GABRG3: variants seen among roughly 807,000 people sequenced by gnomAD.
GABRG3 encodes the protein gamma-aminobutyric acid type A receptor subunit gamma3.
A neutral mutation model predicts 48.8 loss-of-function variants in GABRG3; 25 were observed. The observed-to-expected ratio is 0.51, with a 90% CI of 0.37 to 0.72. The LOEUF is 0.72. GABRG3 is among the 30% of genes least tolerant of loss of function. The pLI is 0.00. For missense variants in GABRG3, 394 were observed against 577.9 expected (o/e 0.68, Z 3.26); for synonymous variants, 227 against 217.6 (o/e 1.04, Z -0.38).
intron 5 of GABRG3, among the ~76,000 whole-genome samples, chr15:27,349,855 C>T (rs1437286939): frequency 2.0e-5 from 3 of 151,938 alleles, no homozygotes; most frequent in Non-Finnish European, 2.9e-5. Flanking sequence ...CGGGACATGT[C>T]CTTTCTGGCT....
chr15:27,043,183 G>A (rs1213243190), intron 3 of GABRG3, among the ~76,000 whole-genome samples: 1 of 152,122 alleles, frequency 6.6e-6, no homozygotes, highest in Non-Finnish European at 1.5e-5. Flanking sequence ...CAGAATTGTT[G>A]ATTAGATGGA....
chr15:27,423,337 A>G (rs911003593), intron 5 of GABRG3, among the ~76,000 whole-genome samples: 2 of 151,720 alleles, frequency 1.3e-5, no homozygotes, highest in Non-Finnish European at 2.9e-5. Flanking sequence ...AAAGACACAC[A>G]AATACAGAGA....
At chr15:27,142,780 GTTTT>G (rs11366858) in intron 3 of GABRG3, among the ~76,000 whole-genome samples, 2 of 147,370 alleles carry the variant, frequency 1.4e-5, no homozygotes. Context: ...TGTTTGCTTG[GTTTT>G]TTTTTTTTGA....
At chr15:27,478,060 AAAG>A (rs202005368) in intron 5 of GABRG3, among the ~76,000 whole-genome samples, 11,583 of 148,744 alleles carry the variant, frequency 0.078, 704 homozygotes, top group African/African-American at 0.19. Context: ...AAAAAAAAAA[AAAG>A]AAAGAAAGAA....
intron 3 of GABRG3, among the ~76,000 whole-genome samples, chr15:27,138,075 A>G (rs1432587177): frequency 1.3e-5 from 2 of 152,224 alleles, no homozygotes; most frequent in African/African-American, 2.4e-5. Flanking sequence ...TTAAAGCATA[A>G]CAACAACAAG....
chr15:27,126,033 T>G (rs1262402366), intron 3 of GABRG3, among the ~76,000 whole-genome samples: 1 of 152,214 alleles, frequency 6.6e-6, no homozygotes, highest in African/African-American at 2.4e-5. Context: ...ACACAGTGAT[T>G]GCAGATCACA....
At chr15:27,436,174 G>C (rs1358370862) in intron 5 of GABRG3, among the ~76,000 whole-genome samples, 1 of 152,180 alleles carries the variant, frequency 6.6e-6, no homozygotes, top group Non-Finnish European at 1.5e-5. Flanking sequence ...TCAAGATCAA[G>C]GCACTAGCAG....
At chr15:27,223,311 A>G (rs28530762) in intron 3 of GABRG3, among the ~76,000 whole-genome samples, 4,472 of 152,318 alleles carry the variant, frequency 0.029, 232 homozygotes, top group African/African-American at 0.1. Context: ...GGTCCCTTGC[A>G]TGCTGCACAG....
At chr15:27,181,125 C>T (rs899655926) in intron 3 of GABRG3, among the ~76,000 whole-genome samples, 1 of 152,150 alleles carries the variant, frequency 6.6e-6, no homozygotes, top group Non-Finnish European at 1.5e-5. Flanking sequence ...GCATTGAATG[C>T]AGGCACCTGT....
In GABRG3 at chr15:27,527,944, A is replaced by G. The variant is rs749449961; in HGVS notation, c.1074A>G (p.Pro358=). The stretch of plus-strand genomic sequence containing the variant: ...TTCTTTTCTTGTAGTTACTACATCC[A>G]GATTCCTCAAGATGGATTCCTGAGC... ...TTKKTTSLLH[P]DSSRWIPERI... Residue 358 remains proline (P), a synonymous_variant, in exon 9 of 10, where the codon CCA becomes CCG. Coordinates refer to ENST00000615808, the MANE Select transcript of GABRG3 (RefSeq NM_033223.5). The G allele has an allele frequency of 1.9e-6, 3 of 1,588,734 alleles. No individual in the cohort carries two copies. Among genetic ancestry groups the G allele is most frequent in the Non-Finnish European group, 2.6e-6 (3 of 1,165,606 alleles).
rs541858007 is a variant in GABRG3 at position 27,319,222 on chromosome 15, G to T, written c.271-7587G>T. 2.6e-5 allele frequency among the ~76,000 whole-genome samples: 4 copies of T among 152,196 alleles called. No homozygotes were observed. In the South Asian group the frequency reaches 8.3e-4, roughly 32 times the overall value. On this transcript the variant is annotated intron_variant, in intron 3 of 9. Transcript: ENST00000615808. The surrounding 1 kb of genome is among the most constrained non-coding windows in gnomAD (Gnocchi z 4.4). Reference sequence around the variant, plus strand: ...AATTCTAGCTCAGTAAAGCCAGGGGGAAAAAAATGTCTGAAACCAACAAGG... The same window carrying T: ...AATTCTAGCTCAGTAAAGCCAGGGGTAAAAAAATGTCTGAAACCAACAAGG...
intron 3 of GABRG3, among the ~76,000 whole-genome samples, chr15:27,308,615 G>T (rs543069259): frequency 1.8e-4 from 20 of 110,896 alleles, no homozygotes; most frequent in African/African-American, 5.6e-4. Context: ...GTAAACATAC[G>T]CTTATATATA....
intron 3 of GABRG3, among the ~76,000 whole-genome samples, chr15:27,259,092 C>G (rs1890700306): frequency 6.6e-6 from 1 of 152,192 alleles, no homozygotes; most frequent in Non-Finnish European, 1.5e-5. Flanking sequence ...TTTTTTATGG[C>G]TGAATGGTAT....
At chr15:27,112,047 C>G (rs1294362467) in intron 3 of GABRG3, among the ~76,000 whole-genome samples, 3 of 152,130 alleles carry the variant, frequency 2.0e-5, no homozygotes, top group Non-Finnish European at 4.4e-5. Context: ...AAGAAAAGTT[C>G]AGTAAAGTGT....
chr15:27,300,099 T>C (rs1254796513), intron 3 of GABRG3, among the ~76,000 whole-genome samples: 1 of 152,172 alleles, frequency 6.6e-6, no homozygotes, highest in East Asian at 1.9e-4. Flanking sequence ...ATACAGCTTC[T>C]ATTGGAACCA....
At chr15:27,050,552 A>G (rs146588588) in intron 3 of GABRG3, among the ~76,000 whole-genome samples, 3 of 152,284 alleles carry the variant, frequency 2.0e-5, no homozygotes, top group Admixed American at 1.3e-4. Context: ...CTACCAGTAA[A>G]GCTGTAAAGC....
In GABRG3 at chr15:27,138,974, A is replaced by G. The variant is rs550139997; in HGVS notation, c.270+112153A>G. Among the ~76,000 whole-genome samples, 16 of 152,182 alleles carry G rather than the reference A, an allele frequency of 1.1e-4. No homozygotes were observed. In the South Asian group the frequency reaches 3.3e-3, roughly 32 times the overall value. On this transcript the variant is annotated intron_variant, in intron 3 of 9. Coordinates refer to ENST00000615808, the MANE Select transcript of GABRG3 (RefSeq NM_033223.5). ...CTGTATAACTCAGGGTTCTCCAGAG[A>G]GGAAGACCCAACAGGGGATGGGTGG...
At chr15:27,473,404 A>G (rs1362175382) in intron 5 of GABRG3, among the ~76,000 whole-genome samples, 3 of 152,180 alleles carry the variant, frequency 2.0e-5, no homozygotes, top group African/African-American at 4.8e-5. Context: ...GGAAAGTGCT[A>G]TGTAATTGTT....
rs529534620 is a variant in GABRG3 at position 27,029,263 on chromosome 15, G to A, written c.270+2442G>A. On this transcript the variant is annotated intron_variant, in intron 3 of 9. Transcript: ENST00000615808. ...GCTGGCACGCAGCCCTGGGGAAGCC[G>A]AATGCTAGCAAGTGCTTTCCTCTGC... Among the ~76,000 whole-genome samples, 15 of 151,932 alleles carry A rather than the reference G, an allele frequency of 9.9e-5. No homozygotes were observed. The East Asian group carries it at 2.1e-3, about 22-fold the overall frequency.
Sources: allele counts gnomAD v4.1 joint callset (sites outside exome capture counted in the v4.1 genomes callset), GRCh38; gene constraint gnomAD v4.1.1; non-coding constraint Gnocchi (gnomAD v3.1); transcripts MANE v1.5; gene names NCBI Gene and HGNC (gene_info 2026-07-23, HGNC 2026-07-21).